The following SHOC2 variants were observed in gnomAD, a reference collection of about 807,000 sequenced individuals.
SHOC2 encodes leucine-rich repeat protein SHOC-2.
A neutral mutation model predicts 50.2 loss-of-function variants in SHOC2; 4 were observed. That is an observed-to-expected ratio of 0.08 (90% CI 0.04 to 0.18). The LOEUF is 0.18. SHOC2 is among the 10% of genes least tolerant of loss of function. The pLI is 1.00. For missense variants in SHOC2, 388 were observed against 669.6 expected (o/e 0.58, Z 4.64); for synonymous variants, 218 against 244.5 (o/e 0.89, Z 1.01).
Position 111,011,847 on chromosome 10 carries a change from C to A in SHOC2, c.*29C>A. The A allele has an allele frequency of 6.7e-7, 1 of 1,499,112 alleles. No individual in the cohort carries two copies. The highest frequency in any genetic ancestry group is 9.3e-7 in the Non-Finnish European group (1 of 1,075,422). The allele number at this position is 1,499,112 out of a possible 1,614,324, so 92.9% of individuals were successfully genotyped here. A position where few individuals can be genotyped will look rare whatever the true frequency, so the allele number is the denominator to read the frequency against. On this transcript the variant is annotated 3_prime_UTR_variant, in exon 9 of 9. Transcript: ENST00000369452. The stretch of plus-strand genomic sequence containing the variant: ...AAATCTGCTGGTCCCACACACTGTT[C>A]AAAAATAGACTGCCATTAATGTTTC...
intron 2 of SHOC2, among the ~76,000 whole-genome samples, chr10:110,974,551 C>T (rs1847841216): frequency 6.6e-6 from 1 of 152,024 alleles, no homozygotes; most frequent in Admixed American, 6.5e-5. Flanking sequence ...TCTATCCTGC[C>T]TGACAGCCAC....
In SHOC2 at chr10:110,939,866, T is replaced by G. The variant is rs779069114; in HGVS notation, c.-235+20209T>G. 1.1e-4 allele frequency among the ~76,000 whole-genome samples: 16 copies of G among 152,332 alleles called. 1 individual carries two copies. In the South Asian group the frequency reaches 3.3e-3, roughly 32 times the overall value. The stretch of plus-strand genomic sequence containing the variant: ...TTTCCCAATTGAGCTACATCATCAC[T>G]TCCTAATGGTCAATTATGGAAATAT... On this transcript the variant is annotated intron_variant, in intron 1 of 8. Coordinates refer to ENST00000369452, the MANE Select transcript of SHOC2 (RefSeq NM_007373.4).
intron 3 of SHOC2, among the ~76,000 whole-genome samples, chr10:110,993,585 T>C (rs542049533): frequency 6.6e-6 from 1 of 152,272 alleles, no homozygotes; most frequent in South Asian, 2.1e-4. Flanking sequence ...AAAATTTAGA[T>C]CCAAGAAAGG....
chr10:110,933,940 C>T (rs1219690339), intron 1 of SHOC2, among the ~76,000 whole-genome samples: 2 of 152,028 alleles, frequency 1.3e-5, no homozygotes, highest in Non-Finnish European at 2.9e-5. Context: ...ATTAAAAAAG[C>T]CACAGTGTGT....
chr10:110,919,534 G>A, upstream of SHOC2: 1 of 386,590 alleles, frequency 2.6e-6, no homozygotes, highest in Non-Finnish European at 4.5e-6. Context: ...GGGGCGGGCG[G>A]GGCGGGGCGA....
intron 2 of SHOC2, among the ~76,000 whole-genome samples, chr10:110,967,642 AC>A (rs1847701886): frequency 6.6e-6 from 1 of 152,102 alleles, no homozygotes; most frequent in Non-Finnish European, 1.5e-5. Flanking sequence ...TAACTCATTA[AC>A]CCTAGGCAAA....
At chr10:110,931,208 A>G (rs112833964) in intron 1 of SHOC2, among the ~76,000 whole-genome samples, 3 of 152,170 alleles carry the variant, frequency 2.0e-5, no homozygotes, top group African/African-American at 4.8e-5. Context: ...TGAAGATGCT[A>G]TGAGTTGTGG....
intron 2 of SHOC2, among the ~76,000 whole-genome samples, chr10:110,978,522 A>T (rs1270058445): frequency 2.0e-5 from 3 of 152,194 alleles, no homozygotes; most frequent in African/African-American, 7.2e-5. Flanking sequence ...CCTATGTTAT[A>T]GCCCTTTTGG....
intron 1 of SHOC2, among the ~76,000 whole-genome samples, chr10:110,952,742 G>C (rs1829921522): frequency 6.6e-6 from 1 of 152,118 alleles, no homozygotes; most frequent in African/African-American, 2.4e-5. Flanking sequence ...AGGCCCTGGT[G>C]TGTGTTGTTC....
At chr10:110,924,891 G>T (rs1328445658) in intron 1 of SHOC2, among the ~76,000 whole-genome samples, 1 of 151,602 alleles carries the variant, frequency 6.6e-6, no homozygotes, top group African/African-American at 2.4e-5. Flanking sequence ...CCAATGTAGC[G>T]AAACCCCGTC....
At chr10:110,976,657 T>G (rs1227306134) in intron 2 of SHOC2, among the ~76,000 whole-genome samples, 5 of 152,216 alleles carry the variant, frequency 3.3e-5, no homozygotes, top group African/African-American at 4.8e-5. Context: ...CAATGCTAGT[T>G]TGAAAGTTTC....
intron 3 of SHOC2, among the ~76,000 whole-genome samples, chr10:110,988,340 T>C (rs1016768176): frequency 2.6e-5 from 4 of 152,144 alleles, no homozygotes; most frequent in African/African-American, 7.2e-5. Context: ...GACTTTTCTT[T>C]ATGGGAATTT....
rs548050962 is a variant in SHOC2, at chr10:110,951,023, G to A, written c.-234-13102G>A. On this transcript the variant is annotated intron_variant, in intron 1 of 8. Transcript: ENST00000369452. ...CCCCAAAAGCATAAGGAATAAAAGC[G>A]AAAATAGAGAAATGGTATTGCATCA... Among the ~76,000 whole-genome samples, 4 of 152,234 alleles carry A rather than the reference G, an allele frequency of 2.6e-5. No individual in the cohort carries two copies. The South Asian group carries it at 8.3e-4, about 32-fold the overall frequency.
At chr10:110,952,169 G>A (rs1459799045) in intron 1 of SHOC2, among the ~76,000 whole-genome samples, 1 of 151,886 alleles carries the variant, frequency 6.6e-6, no homozygotes, top group Non-Finnish European at 1.5e-5. Context: ...AGTAATTTAA[G>A]TGATTTTTTC....
At chr10:111,002,475 A>AG (rs1030559855) in intron 4 of SHOC2, among the ~76,000 whole-genome samples, 2 of 152,218 alleles carry the variant, frequency 1.3e-5, no homozygotes, top group Non-Finnish European at 2.9e-5. Flanking sequence ...ATTTTAATGT[A>AG]GGTGTATACA....
rs139700371 is a variant in SHOC2 at position 110,926,765 on chromosome 10, A to G, written c.-235+7108A>G. Among the ~76,000 whole-genome samples the G allele has an allele frequency of 3.6e-3, 545 of 152,326 alleles. 1 individual carries two copies. Among genetic ancestry groups the G allele is most frequent in the African/African-American group, 9.9e-3 (413 of 41,578 alleles). The stretch of plus-strand genomic sequence containing the variant: ...ACCTCATGTATTTTGGAAAAATTCC[A>G]TTCAAAATGATACAATTTAAAACTT... On this transcript the variant is annotated intron_variant, in intron 1 of 8. Coordinates refer to ENST00000369452, the MANE Select transcript of SHOC2 (RefSeq NM_007373.4).
At chr10:110,956,192 CT>C (rs200668347) in intron 1 of SHOC2, among the ~76,000 whole-genome samples, 10,724 of 146,902 alleles carry the variant, frequency 0.073, 756 homozygotes, top group East Asian at 0.3. Context: ...CATTTCATGT[CT>C]TTTTTTTTTT....
intron 3 of SHOC2, among the ~76,000 whole-genome samples, chr10:110,991,219 A>G (rs1848181116): frequency 6.6e-6 from 1 of 152,220 alleles, no homozygotes; most frequent in Admixed American, 6.5e-5. Flanking sequence ...CCTGGTAAAC[A>G]GAGAAAGCAT....
At chr10:110,920,088 G>A (rs1167050747) in intron 1 of SHOC2, 2 of 151,246 alleles carry the variant, frequency 1.3e-5, no homozygotes, top group Non-Finnish European at 3.0e-5. Flanking sequence ...CAGTCCGCAG[G>A]GCGCCCCGAG....
Sources: gnomAD v4.1 joint callset for allele counts (sites outside exome capture counted in the v4.1 genomes callset) on GRCh38, gnomAD v4.1.1 for gene constraint, MANE v1.5 for transcripts, NCBI Gene and HGNC (gene_info 2026-07-23, HGNC 2026-07-21) for gene names.